CCDC85A: variants seen among roughly 807,000 people sequenced by gnomAD.
CCDC85A encodes coiled-coil domain-containing protein 85A.
In CCDC85A, 38 loss-of-function variants were observed where a neutral mutation model predicts 50.2. The ratio of observed to expected loss-of-function variants is 0.76; its 90% CI spans 0.58 to 0.99. The LOEUF is 0.99. CCDC85A is among the 50% of genes least tolerant of loss of function. CCDC85A has a pLI of 0.00. For synonymous variants in CCDC85A, 366 were observed against 301.4 expected (o/e 1.21, Z -2.22); for missense variants, 820 against 742.0 (o/e 1.11, Z -1.22).
Position 56,235,668 on chromosome 2 carries a change from C to G in CCDC85A, c.1240+42228C>G, listed in dbSNP as rs72919084. ...ATTCAGTCTCCTGAAAATGGGCCAC[C>G]TAGCAGAGGAAAAAGACATGCACAA... On this transcript the variant is annotated intron_variant, in intron 2 of 5. Coordinates refer to ENST00000407595, the MANE Select transcript of CCDC85A (RefSeq NM_001080433.2). Among the ~76,000 whole-genome samples the G allele has an allele frequency of 1.6e-3, 251 of 152,170 alleles. 1 individual carries two copies. The highest frequency in any genetic ancestry group is 5.5e-3 in the African/African-American group (229 of 41,526).
In CCDC85A at chr2:56,384,477, T is replaced by C; in HGVS notation, c.*122T>C. Reference sequence around the variant, plus strand: ...TGGAATAACATGGAGTGATTGTACATTGCACATATCTCCCCTCTAAAACCT... The same window carrying C: ...TGGAATAACATGGAGTGATTGTACACTGCACATATCTCCCCTCTAAAACCT... On this transcript the variant is annotated 3_prime_UTR_variant, in exon 6 of 6. Coordinates refer to ENST00000407595, the MANE Select transcript of CCDC85A (RefSeq NM_001080433.2). The C allele has an allele frequency of 1.3e-6, 1 of 763,378 alleles. No individual in the cohort carries two copies. Among genetic ancestry groups the C allele is most frequent in the Non-Finnish European group, 2.2e-6 (1 of 456,044 alleles). 47.3% of individuals were successfully genotyped at this position (763,378 alleles called of 1,614,324 possible). A position where few individuals can be genotyped will look rare whatever the true frequency, so the allele number is the denominator to read the frequency against.
chr2:56,204,817 G>A (rs1676898031), intron 2 of CCDC85A, among the ~76,000 whole-genome samples: 2 of 152,204 alleles, frequency 1.3e-5, no homozygotes, highest in Non-Finnish European at 2.9e-5. Context: ...TCAGAAGCCT[G>A]TCAGGATTGC....
At chr2:56,224,051 G>C (rs541510240) in intron 2 of CCDC85A, among the ~76,000 whole-genome samples, 5 of 152,266 alleles carry the variant, frequency 3.3e-5, no homozygotes, top group African/African-American at 1.2e-4. Context: ...CACCACAAGT[G>C]ACTTTAGAAC....
Position 56,367,553 on chromosome 2 carries a change from C to CT in CCDC85A, c.1318-4788dup, listed in dbSNP as rs553181876. 4.6e-5 allele frequency among the ~76,000 whole-genome samples: 7 copies of CT among 152,226 alleles called. No homozygotes were observed. The East Asian group carries it at 1.4e-3, about 29-fold the overall frequency. On this transcript the variant is annotated intron_variant, in intron 3 of 5. Coordinates refer to ENST00000407595, the MANE Select transcript of CCDC85A (RefSeq NM_001080433.2). ...GACATTTTGGGCTAGATAATCCTTTCTTTGTGAGGGGTCTGTCCAGTGCAT... is the reference window on the plus strand; with the variant it reads ...GACATTTTGGGCTAGATAATCCTTTCTTTTGTGAGGGGTCTGTCCAGTGCAT...
intron 2 of CCDC85A, among the ~76,000 whole-genome samples, chr2:56,194,509 C>G (rs1676450410): frequency 6.6e-6 from 1 of 152,176 alleles, no homozygotes; most frequent in Admixed American, 6.5e-5. Flanking sequence ...CTGGAGTCTG[C>G]AGCCAGCTCC....
intron 2 of CCDC85A, among the ~76,000 whole-genome samples, chr2:56,329,732 T>A (rs909536239): frequency 3.9e-5 from 6 of 152,122 alleles, no homozygotes; most frequent in Admixed American, 3.9e-4. Flanking sequence ...TATTTATGAA[T>A]TCCCAATTGA....
At chr2:56,364,249 C>A (rs1356095417) in intron 3 of CCDC85A, among the ~76,000 whole-genome samples, 1 of 152,092 alleles carries the variant, frequency 6.6e-6, no homozygotes, top group Non-Finnish European at 1.5e-5. Context: ...GATATTAATT[C>A]TTTTCTTCCT....
chr2:56,350,767 T>C (rs895004615), intron 3 of CCDC85A, among the ~76,000 whole-genome samples: 10 of 151,126 alleles, frequency 6.6e-5, no homozygotes, highest in Middle Eastern at 3.2e-3. Context: ...TTTTTTTTTT[T>C]CTATTGCATG....
At position 56,214,621 on chromosome 2, in the gene CCDC85A, C is replaced by A. The variant is rs565356297; in HGVS notation, c.1240+21181C>A. Among the ~76,000 whole-genome samples the A allele has an allele frequency of 5.1e-4, 78 of 151,944 alleles. 1 individual carries two copies. Among genetic ancestry groups the A allele is most frequent in the East Asian group, 9.7e-4 (5 of 5,146 alleles). ...GGTACAGATGGGCATCCAATTATCC[C>A]AGTACCATTTGTTGAAAGGACTTTA... On this transcript the variant is annotated intron_variant, in intron 2 of 5. Transcript: ENST00000407595.
intron 2 of CCDC85A, among the ~76,000 whole-genome samples, chr2:56,217,560 A>C (rs1233736295): frequency 6.6e-6 from 1 of 151,956 alleles, no homozygotes; most frequent in Non-Finnish European, 1.5e-5. Flanking sequence ...GGAAGACAAA[A>C]TAAGTAGACA....
intron 3 of CCDC85A, among the ~76,000 whole-genome samples, chr2:56,365,631 C>CT (rs1001913329): frequency 6.6e-6 from 1 of 152,120 alleles, no homozygotes; most frequent in Non-Finnish European, 1.5e-5. Flanking sequence ...TTTAAAAAAA[C>CT]TTTTTTTACA....
chr2:56,254,245 G>C lies in CCDC85A; in HGVS notation c.1240+60805G>C, dbSNP rs549728842. Among the ~76,000 whole-genome samples, 8 of 152,148 alleles carry C rather than the reference G, an allele frequency of 5.3e-5. No homozygotes were observed. In the East Asian group the frequency reaches 1.5e-3, roughly 29 times the overall value. On this transcript the variant is annotated intron_variant, in intron 2 of 5. Transcript: ENST00000407595. ...AATTAATACCTACCTCCTGTTCATA[G>C]TTCATAAAGTTGTCTTAACATTCTC...
At chr2:56,305,695 A>G (rs1433215628) in intron 2 of CCDC85A, among the ~76,000 whole-genome samples, 1 of 152,266 alleles carries the variant, frequency 6.6e-6, no homozygotes, top group Admixed American at 6.5e-5. Context: ...CTCAGCATTC[A>G]CTGATTAAAG....
chr2:56,204,702 T>C (rs1676889942), intron 2 of CCDC85A, among the ~76,000 whole-genome samples: 1 of 152,190 alleles, frequency 6.6e-6, no homozygotes, highest in South Asian at 2.1e-4. Context: ...AATGAGGATA[T>C]GTTTGTTCGG....
chr2:56,258,578 T>G (rs1039490395), intron 2 of CCDC85A, among the ~76,000 whole-genome samples: 3 of 152,210 alleles, frequency 2.0e-5, no homozygotes, highest in Admixed American at 1.3e-4. Context: ...GACTCTCTCA[T>G]GCAGAATTTT....
chr2:56,186,438 T>A (rs141190826), intron 1 of CCDC85A, among the ~76,000 whole-genome samples: 54 of 152,284 alleles, frequency 3.5e-4, no homozygotes, highest in African/African-American at 1.2e-3. Context: ...AAGTTATGAT[T>A]ATGTAGGGGA....
Position 56,275,453 on chromosome 2 carries a change from A to G in CCDC85A, c.1241-67426A>G, listed in dbSNP as rs1478691077. Among the ~76,000 whole-genome samples, 12 of 66,628 alleles carry G rather than the reference A, an allele frequency of 1.8e-4. No homozygotes were observed. The Admixed American group carries it at 3.2e-3, about 18-fold the overall frequency. The allele number at this position is 66,628 out of a possible 152,430, so 43.7% of individuals were successfully genotyped here. On this transcript the variant is annotated intron_variant, in intron 2 of 5. Transcript: ENST00000407595. ...AGGTGCCATTTAAAGAGAATCAGTT[A>G]CACCAGCTATTTAACATCATATAGA...
intron 1 of CCDC85A, 80 bp downstream of exon 1, chr2:56,184,980 T>A: frequency 1.4e-6 from 2 of 1,408,268 alleles, no homozygotes; most frequent in Non-Finnish European, 1.9e-6. Context: ...AGGCAAACTT[T>A]CCCTCCCTCC....
intron 2 of CCDC85A, among the ~76,000 whole-genome samples, chr2:56,297,930 A>G (rs1573202906): frequency 6.6e-6 from 1 of 152,170 alleles, no homozygotes; most frequent in Non-Finnish European, 1.5e-5. Context: ...AACCAGTTCC[A>G]TGTTTGAGAC....
Sources: gnomAD v4.1 joint callset for allele counts (sites outside exome capture counted in the v4.1 genomes callset) on GRCh38, gnomAD v4.1.1 for gene constraint, MANE v1.5 for transcripts, NCBI Gene and HGNC (gene_info 2026-07-23, HGNC 2026-07-21) for gene names.